FOCAD: variants seen among roughly 807,000 people sequenced by gnomAD.
The protein encoded by FOCAD is KIAA1797.
FOCAD carries 198 observed loss-of-function variants against 225.6 expected under a neutral mutation model. The observed-to-expected ratio is 0.88, with a 90% CI of 0.78 to 0.99. The LOEUF is 0.99. Among genes scored for constraint, FOCAD ranks in the 50% least tolerant of loss-of-function variants. The pLI is 0.00. For missense variants in FOCAD, 2,713 were observed against 2,123.6 expected (o/e 1.28, Z -5.46); for synonymous variants, 897 against 755.0 (o/e 1.19, Z -3.08).
intron 15 of FOCAD, among the ~76,000 whole-genome samples, chr9:20,846,532 A>G (rs1439964522): frequency 6.6e-6 from 1 of 152,116 alleles, no homozygotes. Flanking sequence ...TAATTCTAAT[A>G]TTAGGCCTGG....
intron 1 of FOCAD, among the ~76,000 whole-genome samples, chr9:20,714,633 TG>T: frequency 7.8e-6 from 1 of 127,762 alleles, no homozygotes; most frequent in African/African-American, 3.3e-5. Flanking sequence ...CCTGCCTGCC[TG>T]CCTTCCTTCC....
chr9:20,662,743 CCCAGCCAG>C (rs1475664666), intron 2 of FOCAD, among the ~76,000 whole-genome samples: 1 of 152,160 alleles, frequency 6.6e-6, no homozygotes. Flanking sequence ...AGCCACGGCA[CCCAGCCAG>C]ATATTTATCC....
At chr9:20,922,968 A>T (rs972373478) in intron 24 of FOCAD, among the ~76,000 whole-genome samples, 3 of 152,218 alleles carry the variant, frequency 2.0e-5, no homozygotes, top group African/African-American at 7.2e-5. Flanking sequence ...CAAACTCTTA[A>T]GAGTTTATTG....
intron 43 of FOCAD, among the ~76,000 whole-genome samples, chr9:20,994,613 ACT>A (rs1164277536): frequency 6.6e-6 from 1 of 152,324 alleles, no homozygotes; most frequent in Admixed American, 6.5e-5. Flanking sequence ...CTCCCACATA[ACT>A]CTGATAAACC....
chr9:20,883,679 A>C (rs191838705), intron 20 of FOCAD, among the ~76,000 whole-genome samples: 79 of 152,360 alleles, frequency 5.2e-4, no homozygotes, highest in African/African-American at 1.6e-3. Context: ...TCAAAATGGA[A>C]ATGAGAAGAT....
intron 35 of FOCAD, among the ~76,000 whole-genome samples, chr9:20,972,641 A>G (rs1353180888): frequency 6.8e-6 from 1 of 147,978 alleles, no homozygotes; most frequent in African/African-American, 2.5e-5. Context: ...GCTGTTTTTC[A>G]TTTTTCTTTC....
chr9:20,768,867 A>C lies in FOCAD; in HGVS notation c.700-1165A>C, dbSNP rs150179508. On this transcript the variant is annotated intron_variant, in intron 7 of 43. Transcript: ENST00000338382. Reference sequence around the variant, plus strand: ...ATTATTAAATAATATATTTCTACATAAAGACAGAATGTTACTTCAAAATTA... The same window carrying C: ...ATTATTAAATAATATATTTCTACATCAAGACAGAATGTTACTTCAAAATTA... Among the ~76,000 whole-genome samples, 252 of 152,248 alleles carry C rather than the reference A, an allele frequency of 1.7e-3. 1 individual carries two copies. The highest frequency in any genetic ancestry group is 3.4e-3 in the Middle Eastern group (1 of 294).
chr9:20,917,223 T>G (rs1286908653), intron 24 of FOCAD, among the ~76,000 whole-genome samples: 1 of 152,010 alleles, frequency 6.6e-6, no homozygotes, highest in Non-Finnish European at 1.5e-5. Context: ...GTGCTTTGGC[T>G]TAAACTTAAA....
At chr9:20,813,786 C>T (rs551094155) in intron 11 of FOCAD, among the ~76,000 whole-genome samples, 3 of 152,100 alleles carry the variant, frequency 2.0e-5, no homozygotes, top group Non-Finnish European at 4.4e-5. Flanking sequence ...TCTTATTGAT[C>T]TTCTGTCTGG....
At chr9:20,743,660 T>G (rs1827808385) in intron 5 of FOCAD, among the ~76,000 whole-genome samples, 1 of 152,176 alleles carries the variant, frequency 6.6e-6, no homozygotes. Flanking sequence ...GGCAGCGTGT[T>G]AAAAGTACAG....
chr9:20,981,318 C>T (rs571646801), intron 37 of FOCAD, 108 bp from the exon 38 acceptor site: 3 of 1,279,962 alleles, frequency 2.3e-6, no homozygotes, highest in South Asian at 2.8e-5. Flanking sequence ...GTAACCTGAA[C>T]CTTTTATCTC....
At chr9:20,781,706 C>T in intron 9 of FOCAD, 21 bp from the exon 10 acceptor site, 1 of 1,606,896 alleles carries the variant, frequency 6.2e-7, no homozygotes, top group Non-Finnish European at 8.5e-7. Context: ...TAAAAATGTG[C>T]ATTATTGTTT....
chr9:20,949,639 AGGC>A lies in FOCAD; in HGVS notation c.3913_3915del (p.Gly1305del). ...AAGCCATCCAGACCTCTCATTTTCA[AGGC>A]AGACTTAATGAAGTCATTAGAACCT... On this transcript the variant is annotated inframe_deletion, in exon 33 of 44. Coordinates refer to ENST00000338382, the MANE Select transcript of FOCAD (RefSeq NM_001375567.1). 6.2e-7 allele frequency: 1 copy of A among 1,613,250 alleles called. No individual in the cohort carries two copies. The highest frequency in any genetic ancestry group is 8.5e-7 in the Non-Finnish European group (1 of 1,179,414).
intron 37 of FOCAD, 37 bp from the exon 38 acceptor site, chr9:20,981,389 G>C (rs1434710972): frequency 3.1e-6 from 5 of 1,604,510 alleles, no homozygotes; most frequent in African/African-American, 1.3e-5. Flanking sequence ...ACCCAGACTT[G>C]CCTATTTACA....
intron 21 of FOCAD, among the ~76,000 whole-genome samples, chr9:20,903,118 C>A (rs555510318): frequency 6.6e-6 from 1 of 151,892 alleles, no homozygotes; most frequent in African/African-American, 2.4e-5. Context: ...CAAACATTTC[C>A]CCATGCTCCT....
chr9:20,749,159 T>A (rs2131724834), intron 5 of FOCAD, among the ~76,000 whole-genome samples: 1 of 152,226 alleles, frequency 6.6e-6, no homozygotes, highest in Non-Finnish European at 1.5e-5. Context: ...CAGGCACCAT[T>A]GCATTAAAAC....
intron 15 of FOCAD, among the ~76,000 whole-genome samples, chr9:20,849,039 CA>C (rs1827393558): frequency 6.6e-6 from 1 of 151,820 alleles, no homozygotes; most frequent in Non-Finnish European, 1.5e-5. Flanking sequence ...TCATAATAGG[CA>C]AGCAGTTTAA....
chr9:20,853,187 T>A (rs985134263), intron 15 of FOCAD, among the ~76,000 whole-genome samples: 56 of 151,782 alleles, frequency 3.7e-4, no homozygotes, highest in Admixed American at 3.4e-3. Flanking sequence ...CTTTGTGTCA[T>A]TCTTTCTGTT....
intron 38 of FOCAD, 87 bp from the exon 39 acceptor site, chr9:20,982,270 G>A (rs1840765935): frequency 7.4e-6 from 7 of 942,830 alleles, no homozygotes; most frequent in Middle Eastern, 2.2e-4. Context: ...CTGTTCATGG[G>A]GATAAGAAAA....
Sources: gnomAD v4.1 joint callset for allele counts (sites outside exome capture counted in the v4.1 genomes callset) on GRCh38, gnomAD v4.1.1 for gene constraint, MANE v1.5 for transcripts, NCBI Gene and HGNC (gene_info 2026-07-23, HGNC 2026-07-21) for gene names.